Variants in ELK3 observed in about 807,000 individuals in gnomAD.
ELK3 encodes ETS domain-containing protein Elk-3.
ELK3 carries 10 observed loss-of-function variants against 28.9 expected under a neutral mutation model. The ratio of observed to expected loss-of-function variants is 0.35; its 90% CI spans 0.21 to 0.59. The LOEUF (loss-of-function observed/expected upper bound fraction) is 0.59. Ranked by LOEUF, ELK3 falls within the 20% of genes least tolerant of loss-of-function variation. ELK3 has a pLI of 0.82. For synonymous variants in ELK3, 272 were observed against 243.5 expected (o/e 1.12, Z -1.09); for missense variants, 463 against 517.3 (o/e 0.90, Z 1.02).
intron 1 of ELK3, among the ~76,000 whole-genome samples, chr12:96,214,303 C>T (rs1223114365): frequency 6.6e-6 from 1 of 152,094 alleles, no homozygotes; most frequent in East Asian, 1.9e-4. Context: ...CAGTGGTGTG[C>T]GCCTGTAGTC....
chr12:96,206,318 T>C (rs1951538083), intron 1 of ELK3, among the ~76,000 whole-genome samples: 1 of 151,970 alleles, frequency 6.6e-6, no homozygotes, highest in African/African-American at 2.4e-5. Flanking sequence ...CCCTTTTATT[T>C]ATTTATTTTT....
intron 1 of ELK3, among the ~76,000 whole-genome samples, chr12:96,203,943 A>C (rs1951523399): frequency 6.6e-6 from 1 of 152,178 alleles, no homozygotes; most frequent in South Asian, 2.1e-4. Context: ...TGTGTCTCAA[A>C]ATGAAAACCC....
intron 1 of ELK3, among the ~76,000 whole-genome samples, chr12:96,210,328 G>C (rs895296200): frequency 3.3e-5 from 5 of 152,094 alleles, no homozygotes; most frequent in African/African-American, 1.2e-4. Flanking sequence ...CCCTAGAGGT[G>C]TTTCTTTTTA....
chr12:96,265,711 A>T (rs977820961), intron 4 of ELK3, among the ~76,000 whole-genome samples: 5 of 152,192 alleles, frequency 3.3e-5, no homozygotes, highest in Middle Eastern at 3.2e-3. Context: ...GAAAATTTAA[A>T]ATCTGTTCAT....
chr12:96,240,195 G>A (rs1951810875), intron 2 of ELK3, among the ~76,000 whole-genome samples: 1 of 152,204 alleles, frequency 6.6e-6, no homozygotes, highest in Non-Finnish European at 1.5e-5. Flanking sequence ...TGCCTGCTGT[G>A]CAACTGATCA....
In ELK3 at chr12:96,238,622, C is replaced by T. The variant is rs1175385518; in HGVS notation, c.208-8318C>T. ...GCATGCCACTTATAGTTTGGCTGCT[C>T]ATGTCCAGTCTGCTGCACTGGGAGT... On this transcript the variant is annotated intron_variant, in intron 2 of 4. Coordinates refer to ENST00000228741, the MANE Select transcript of ELK3 (RefSeq NM_005230.4). Among the ~76,000 whole-genome samples the T allele has an allele frequency of 2.0e-5, 3 of 152,218 alleles. No homozygotes were observed. The South Asian group carries it at 6.2e-4, about 32-fold the overall frequency.
chr12:96,210,594 CA>C (rs1951571277), intron 1 of ELK3, among the ~76,000 whole-genome samples: 2 of 150,866 alleles, frequency 1.3e-5, no homozygotes, highest in Non-Finnish European at 2.9e-5. Context: ...CACACACACA[CA>C]CACCCCGAGT....
At chr12:96,261,825 G>A (rs761474540) in intron 4 of ELK3, among the ~76,000 whole-genome samples, 12 of 152,140 alleles carry the variant, frequency 7.9e-5, no homozygotes, top group Admixed American at 2.6e-4. Flanking sequence ...GATTCGACAC[G>A]TTATCAGGAT....
intron 1 of ELK3, among the ~76,000 whole-genome samples, chr12:96,207,515 T>A (rs1951545416): frequency 6.6e-6 from 1 of 152,244 alleles, no homozygotes; most frequent in South Asian, 2.1e-4. Flanking sequence ...TATGTATAAA[T>A]GTTTATGCCT....
rs183446526 is a variant in ELK3, at chr12:96,216,931, G to A, written c.-2-6634G>A. Reference sequence around the variant, plus strand: ...GCTTACCTTCCAAATAGACAAAAGTGCTTCACTAGCACCTGCTTTGAGTTA... The same window carrying A: ...GCTTACCTTCCAAATAGACAAAAGTACTTCACTAGCACCTGCTTTGAGTTA... On this transcript the variant is annotated intron_variant, in intron 1 of 4. Coordinates refer to ENST00000228741, the MANE Select transcript of ELK3 (RefSeq NM_005230.4). Among the ~76,000 whole-genome samples the A allele has an allele frequency of 1.9e-4, 29 of 152,292 alleles. No homozygotes were observed. In the East Asian group the frequency reaches 4.4e-3, roughly 23 times the overall value.
intron 3 of ELK3, among the ~76,000 whole-genome samples, chr12:96,249,327 G>C (rs1022815467): frequency 4.6e-5 from 7 of 152,234 alleles, no homozygotes; most frequent in African/African-American, 1.7e-4. Flanking sequence ...CTCTGGACTG[G>C]ATTCTGCCCA....
At chr12:96,259,306 C>A (rs1268438211) in intron 3 of ELK3, among the ~76,000 whole-genome samples, 1 of 152,148 alleles carries the variant, frequency 6.6e-6, no homozygotes, top group Non-Finnish European at 1.5e-5. Context: ...AATCCCAGCA[C>A]TTTGGGAGGC....
At chr12:96,202,523 C>T (rs1263694677) in intron 1 of ELK3, among the ~76,000 whole-genome samples, 3 of 108,626 alleles carry the variant, frequency 2.8e-5, no homozygotes, top group African/African-American at 7.4e-5. Flanking sequence ...TTACCACAAG[C>T]TTTTTTTTTT....
At chr12:96,222,079 A>G (rs947684357) in intron 1 of ELK3, among the ~76,000 whole-genome samples, 1 of 151,982 alleles carries the variant, frequency 6.6e-6, no homozygotes, top group African/African-American at 2.4e-5. Flanking sequence ...TGTGCCACTC[A>G]CAACAGTTGA....
chr12:96,211,707 T>G (rs188436258), intron 1 of ELK3, among the ~76,000 whole-genome samples: 130 of 152,324 alleles, frequency 8.5e-4, no homozygotes, highest in African/African-American at 3.1e-3. Flanking sequence ...GTAGCTTATT[T>G]TTGTACGTTA....
intron 2 of ELK3, among the ~76,000 whole-genome samples, chr12:96,231,502 T>C (rs923619247): frequency 1.9e-4 from 29 of 152,140 alleles, no homozygotes; most frequent in African/African-American, 7.0e-4. Flanking sequence ...GAATAAGGCT[T>C]TTTTTTGGAG....
intron 1 of ELK3, among the ~76,000 whole-genome samples, chr12:96,207,680 C>T (rs570433499): frequency 3.5e-4 from 53 of 152,274 alleles, no homozygotes; most frequent in African/African-American, 1.1e-3. Flanking sequence ...GGTGATCCCT[C>T]GGTCATGAAT....
intron 1 of ELK3, among the ~76,000 whole-genome samples, chr12:96,219,158 G>C (rs1207847220): frequency 6.6e-6 from 1 of 151,986 alleles, no homozygotes; most frequent in Non-Finnish European, 1.5e-5. Context: ...TTCAATTGTT[G>C]ATTTAATAAA....
chr12:96,250,453 A>G (rs1951894437), intron 3 of ELK3, among the ~76,000 whole-genome samples: 1 of 152,198 alleles, frequency 6.6e-6, no homozygotes, highest in African/African-American at 2.4e-5. Context: ...TGTCAGTGTC[A>G]GATTTGGACT....
Sources: gnomAD v4.1 joint callset for allele counts (sites outside exome capture counted in the v4.1 genomes callset) on GRCh38, gnomAD v4.1.1 for gene constraint, MANE v1.5 for transcripts, NCBI Gene and HGNC (gene_info 2026-07-23, HGNC 2026-07-21) for gene names.